AGPS: variants seen among roughly 807,000 people sequenced by gnomAD.
The protein encoded by AGPS is alkylglycerone phosphate synthase.
Under a neutral mutation model 90.7 loss-of-function variants are expected in AGPS, and 26 were observed. The ratio of observed to expected loss-of-function variants is 0.29; its 90% CI spans 0.21 to 0.40. The LOEUF (loss-of-function observed/expected upper bound fraction) is 0.40, where lower values mean the gene tolerates loss of function less well. Ranked by LOEUF, AGPS falls within the 10% of genes least tolerant of loss-of-function variation. The pLI is 1.00. For synonymous variants in AGPS, 294 were observed against 285.3 expected (o/e 1.03, Z -0.31); for missense variants, 540 against 816.1 (o/e 0.66, Z 4.12).
intron 5 of AGPS, 60 bp downstream of exon 5, chr2:177,437,114 C>T: frequency 6.8e-7 from 1 of 1,479,240 alleles, no homozygotes; most frequent in Non-Finnish European, 9.4e-7. Flanking sequence ...GTAAATTTAA[C>T]ATTGGAAATA....
At chr2:177,479,597 A>G (rs1274539794) in intron 10 of AGPS, among the ~76,000 whole-genome samples, 2 of 152,248 alleles carry the variant, frequency 1.3e-5, no homozygotes, top group East Asian at 3.8e-4. Flanking sequence ...ATTAAAAAGT[A>G]ATGAAATATT....
chr2:177,505,069 TA>T (rs1269331576), intron 14 of AGPS, among the ~76,000 whole-genome samples: 2 of 152,024 alleles, frequency 1.3e-5, no homozygotes, highest in African/African-American at 4.8e-5. Context: ...ATTTAAATCA[TA>T]AATTTCATAA....
chr2:177,447,251 G>GA (rs1686803020), intron 8 of AGPS, among the ~76,000 whole-genome samples: 1 of 151,348 alleles, frequency 6.6e-6, no homozygotes, highest in African/African-American at 2.4e-5. Flanking sequence ...GATAGGCTTT[G>GA]AAAAAAAATG....
chr2:177,515,081 CTG>C (rs547183142), intron 17 of AGPS, among the ~76,000 whole-genome samples: 338 of 150,790 alleles, frequency 2.2e-3, no homozygotes, highest in African/African-American at 7.6e-3. Flanking sequence ...GTCTTGTTCT[CTG>C]TAGTAAAAAG....
Position 177,434,434 on chromosome 2 carries a change from T to G in AGPS, c.441+17T>G. 6.5e-7 allele frequency: 1 copy of G among 1,546,440 alleles called. No homozygotes were observed. Among genetic ancestry groups the G allele is most frequent in the Non-Finnish European group, 8.9e-7 (1 of 1,120,284 alleles). Reference sequence around the variant, plus strand: ...ACCTCTAAAGTAAGCAAACAAAAATTATTACTAACTCATTTAACTGTGTTT... The same window carrying G: ...ACCTCTAAAGTAAGCAAACAAAAATGATTACTAACTCATTTAACTGTGTTT... On this transcript the variant is annotated intron_variant, in intron 3 of 19. Transcript: ENST00000264167.
chr2:177,457,330 A>G (rs990986948), intron 8 of AGPS, among the ~76,000 whole-genome samples: 2 of 152,220 alleles, frequency 1.3e-5, no homozygotes, highest in Admixed American at 1.3e-4. Context: ...ACATGAAATA[A>G]CTAAGATCAG....
intron 7 of AGPS, among the ~76,000 whole-genome samples, chr2:177,443,155 C>T (rs1686658993): frequency 2.0e-5 from 3 of 152,082 alleles, no homozygotes; most frequent in Admixed American, 2.0e-4. Context: ...TTAAAAAGGA[C>T]ATTTTCTCAC....
chr2:177,505,625 ACTTTTT>A, intron 15 of AGPS, 50 bp downstream of exon 15: 1 of 1,494,728 alleles, frequency 6.7e-7, no homozygotes, highest in Non-Finnish European at 9.3e-7. Flanking sequence ...TGCAAACAAT[ACTTTTT>A]CTTACTTTAA....
Position 177,434,392 on chromosome 2 carries a change from A to C in AGPS, c.416A>C (p.Asn139Thr). 3 of 1,612,990 alleles carry C rather than the reference A, an allele frequency of 1.9e-6. No homozygotes were observed. Among genetic ancestry groups the C allele is most frequent in the Non-Finnish European group, 2.5e-6 (3 of 1,179,354 alleles). Residue 139 changes from asparagine to threonine, a missense_variant, in exon 3 of 20, where the codon AAT (asparagine) becomes ACT (threonine). By Grantham distance (65) the Asn-to-Thr change is moderately conservative. Transcript: ENST00000264167. Reference protein sequence around the residue: ...KEWIQNTLGVNVEHKTTSKAS... With the variant: ...KEWIQNTLGVTVEHKTTSKAS... Reference sequence around the variant, plus strand: ...TGGATCCAAAATACCCTTGGAGTAAATGTGGAGCATAAAACTACCTCTAAA... The same window carrying C: ...TGGATCCAAAATACCCTTGGAGTAACTGTGGAGCATAAAACTACCTCTAAA...
chr2:177,507,915 T>A (rs1035519523), intron 15 of AGPS, 55 bp from the exon 16 acceptor site: 8 of 1,190,590 alleles, frequency 6.7e-6, no homozygotes, highest in Non-Finnish European at 1.3e-6. Context: ...AACAGTGTTA[T>A]TGATTCTTCT....
chr2:177,529,975 T>C, intron 19 of AGPS, among the ~76,000 whole-genome samples: 1 of 152,244 alleles, frequency 6.6e-6, no homozygotes, highest in East Asian at 1.9e-4. Flanking sequence ...AACATCTAAA[T>C]GCCTTACATT....
intron 10 of AGPS, among the ~76,000 whole-genome samples, chr2:177,478,983 G>A (rs1028223805): frequency 1.3e-5 from 2 of 151,980 alleles, no homozygotes; most frequent in African/African-American, 4.8e-5. Flanking sequence ...ACCATGCTCT[G>A]TTGCAAATAA....
At position 177,539,244 on chromosome 2, in the gene AGPS, G is replaced by T. The variant is rs1267913050; in HGVS notation, c.*1049G>T. On this transcript the variant is annotated 3_prime_UTR_variant, in exon 20 of 20. Coordinates refer to ENST00000264167, the MANE Select transcript of AGPS (RefSeq NM_003659.4). ...ATATAAAAAGTAAAGTTTCAATTTA[G>T]TTTTTAATAATGGTTTAATGCCTTT... 6.6e-6 allele frequency: 1 copy of T among 151,964 alleles called. No homozygotes were observed. The highest frequency in any genetic ancestry group is 2.4e-5 in the African/African-American group (1 of 41,392). 9.4% of individuals were successfully genotyped at this position (151,964 alleles called of 1,614,324 possible).
At chr2:177,509,736 A>G (rs1255955316) in intron 16 of AGPS, among the ~76,000 whole-genome samples, 1 of 152,138 alleles carries the variant, frequency 6.6e-6, no homozygotes, top group East Asian at 1.9e-4. Flanking sequence ...TTTAGTATGA[A>G]ATTAGTTTTT....
chr2:177,395,321 C>G (rs1291253202), intron 1 of AGPS, among the ~76,000 whole-genome samples: 3 of 152,170 alleles, frequency 2.0e-5, no homozygotes, highest in African/African-American at 4.8e-5. Context: ...TGTGTGGCTG[C>G]TCCAAGGACT....
At chr2:177,414,723 A>C (rs556017783) in intron 1 of AGPS, among the ~76,000 whole-genome samples, 2 of 152,298 alleles carry the variant, frequency 1.3e-5, no homozygotes, top group Admixed American at 6.5e-5. Context: ...TTATTTTCTC[A>C]GAACAGAGAG....
intron 8 of AGPS, among the ~76,000 whole-genome samples, chr2:177,460,829 G>A (rs1212983621): frequency 6.6e-6 from 1 of 152,076 alleles, no homozygotes; most frequent in Non-Finnish European, 1.5e-5. Context: ...AATATTTAGT[G>A]GAGAAACTTT....
At chr2:177,436,286 G>C (rs1322796130) in intron 3 of AGPS, among the ~76,000 whole-genome samples, 1 of 151,472 alleles carries the variant, frequency 6.6e-6, no homozygotes, top group South Asian at 2.1e-4. Context: ...CAAGTAGCTG[G>C]GACTACAGGC....
chr2:177,441,191 T>A, intron 6 of AGPS, 155 bp downstream of exon 6: 1 of 672,786 alleles, frequency 1.5e-6, no homozygotes, highest in Non-Finnish European at 2.6e-6. Context: ...ATTTTTGTTC[T>A]AAGTAGGATT....
Sources: gnomAD v4.1 joint callset for allele counts (sites outside exome capture counted in the v4.1 genomes callset) on GRCh38, gnomAD v4.1.1 for gene constraint, MANE v1.5 for transcripts, NCBI Gene and HGNC (gene_info 2026-07-23, HGNC 2026-07-21) for gene names.